PTPN14: variants seen among roughly 807,000 people sequenced by gnomAD.
The protein encoded by PTPN14 is tyrosine-protein phosphatase non-receptor type 14.
A neutral mutation model predicts 126.8 loss-of-function variants in PTPN14; 53 were observed. The ratio of observed to expected loss-of-function variants is 0.42; its 90% CI spans 0.34 to 0.53. The LOEUF (loss-of-function observed/expected upper bound fraction) is 0.53. PTPN14 is among the 20% of genes least tolerant of loss of function. The pLI is 0.08. For synonymous variants in PTPN14, 630 were observed against 599.3 expected (o/e 1.05, Z -0.75); for missense variants, 1,257 against 1,552.9 (o/e 0.81, Z 3.20).
intron 3 of PTPN14, among the ~76,000 whole-genome samples, chr1:214,444,884 A>G (rs903487864): frequency 6.6e-6 from 1 of 152,180 alleles, no homozygotes; most frequent in African/African-American, 2.4e-5. Context: ...TTAAAAATGC[A>G]TTAACCTAAC....
At chr1:214,464,549 G>A in intron 2 of PTPN14, 81 bp downstream of exon 2, 7 of 1,522,246 alleles carry the variant, frequency 4.6e-6, no homozygotes, top group Admixed American at 1.9e-5. Flanking sequence ...AAAACAGATG[G>A]CTGGTCCCTT....
chr1:214,450,050 G>A lies in PTPN14; in HGVS notation c.344+1755C>T, dbSNP rs565681359. 1.4e-3 allele frequency among the ~76,000 whole-genome samples: 220 copies of A among 151,788 alleles called. 1 individual carries two copies. Among genetic ancestry groups the A allele is most frequent in the African/African-American group, 5.0e-3 (206 of 41,370 alleles). On this transcript the variant is annotated intron_variant, in intron 3 of 18. Transcript: ENST00000366956. ...CAGGAGGCTGACGCAGGAGGATTGC[G>A]GGAGCCCAGGAGTTTGTGGCTGCAG...
chr1:214,455,218 G>A (rs910143790), intron 2 of PTPN14, among the ~76,000 whole-genome samples: 2 of 152,188 alleles, frequency 1.3e-5, no homozygotes, highest in African/African-American at 4.8e-5. Context: ...ATCCTGTCAA[G>A]CCCAGCTGAG....
chr1:214,433,131 C>T (rs921202129), intron 3 of PTPN14, among the ~76,000 whole-genome samples: 18 of 152,026 alleles, frequency 1.2e-4, no homozygotes, highest in African/African-American at 4.1e-4. Flanking sequence ...TCTTCATCTC[C>T]TGACCTCATG....
At chr1:214,494,687 G>A (rs1196083227) in intron 1 of PTPN14, among the ~76,000 whole-genome samples, 1 of 152,090 alleles carries the variant, frequency 6.6e-6, no homozygotes, top group African/African-American at 2.4e-5. Context: ...AACAAAGCAG[G>A]GAGAACTAAA....
At chr1:214,424,716 T>G (rs1367818848) in intron 3 of PTPN14, among the ~76,000 whole-genome samples, 2 of 152,036 alleles carry the variant, frequency 1.3e-5, no homozygotes, top group Non-Finnish European at 2.9e-5. Context: ...TATTTTTTAT[T>G]TTTGGTATTT....
intron 15 of PTPN14, among the ~76,000 whole-genome samples, chr1:214,374,721 T>C (rs1423454159): frequency 6.6e-6 from 1 of 152,162 alleles, no homozygotes; most frequent in Non-Finnish European, 1.5e-5. Context: ...CTAACCCGGA[T>C]CCACAGGATG....
intron 1 of PTPN14, chr1:214,532,866 C>A: frequency 9.6e-7 from 1 of 1,041,710 alleles, no homozygotes; most frequent in Non-Finnish European, 1.5e-6. Context: ...AGATTGCCAG[C>A]TCTGGGTTGA....
rs750774630 is a variant in PTPN14, at chr1:214,464,727, C to T, written c.77G>A (p.Arg26His). 7 of 1,614,284 alleles carry T rather than the reference C, an allele frequency of 4.3e-6. No homozygotes were observed. Among genetic ancestry groups the T allele is most frequent in the South Asian group, 3.3e-5 (3 of 91,092 alleles). The stretch of plus-strand genomic sequence containing the variant: ...CTCGATAACATTGCTGTCCAGCAGG[C>T]GAATCCGTGTGACAAAGCAGTTCTT... ...LSKNCFVTRI[R>H]LLDSNVIECT... The change falls in exon 2 of 19, where the codon CGC becomes CAC. Residue 26 changes from arginine (R) to histidine (H), a missense_variant. By Grantham distance (29) the Arg-to-His change is conservative. Coordinates refer to ENST00000366956, the MANE Select transcript of PTPN14 (RefSeq NM_005401.5).
In PTPN14 at chr1:214,369,590, C is replaced by A. The variant is rs372350429; in HGVS notation, c.3138G>T (p.Thr1046=). The change falls in exon 17 of 19, where the codon ACG becomes ACT. Residue 1046 remains threonine (T), a synonymous_variant. Coordinates refer to ENST00000366956, the MANE Select transcript of PTPN14 (RefSeq NM_005401.5). ...GKFKVTTKFR[T]DSVCYATTGL... is the part of the protein sequence containing the mutation. ...CCGTGGTTGCATAGCAAACAGAATC[C>A]GTTCGAAACTTCGTGGTGACCTTGA... The A allele has an allele frequency of 1.5e-5, 25 of 1,614,038 alleles. No individual in the cohort carries two copies. The East Asian group carries it at 5.3e-4, about 35-fold the overall frequency.
chr1:214,410,806 G>T (rs897563694), intron 5 of PTPN14, among the ~76,000 whole-genome samples: 2 of 151,986 alleles, frequency 1.3e-5, no homozygotes, highest in Non-Finnish European at 2.9e-5. Context: ...TTTTCCATTG[G>T]TCATTGTGCC....
intron 3 of PTPN14, among the ~76,000 whole-genome samples, chr1:214,431,851 A>G (rs926200386): frequency 2.1e-4 from 32 of 152,324 alleles, no homozygotes; most frequent in African/African-American, 6.5e-4. Flanking sequence ...TTGGCCATAA[A>G]CACTCATGAA....
At chr1:214,421,388 T>C (rs1038111263) in intron 3 of PTPN14, among the ~76,000 whole-genome samples, 4 of 151,866 alleles carry the variant, frequency 2.6e-5, no homozygotes, top group African/African-American at 9.7e-5. Context: ...TTGCCAGAGG[T>C]TGAGGGAAGA....
intron 1 of PTPN14, chr1:214,483,352 C>T (rs1198317874): frequency 3.7e-6 from 6 of 1,612,616 alleles, no homozygotes; most frequent in Non-Finnish European, 5.1e-6. Flanking sequence ...GCCGCGGCTT[C>T]CCGTGGTTGT....
intron 1 of PTPN14, chr1:214,533,308 A>G: frequency 3.5e-6 from 2 of 570,350 alleles, no homozygotes; most frequent in Non-Finnish European, 6.5e-6. Context: ...GGCTAGGGTC[A>G]CCACCTACCG....
intron 16 of PTPN14, among the ~76,000 whole-genome samples, chr1:214,370,291 A>G (rs1331954818): frequency 2.6e-5 from 4 of 151,908 alleles, no homozygotes; most frequent in Admixed American, 1.3e-4. Context: ...AAAAAAAAAA[A>G]AAAAAGAAAA....
At chr1:214,412,842 G>C (rs1659339575) in intron 4 of PTPN14, among the ~76,000 whole-genome samples, 1 of 152,124 alleles carries the variant, frequency 6.6e-6, no homozygotes, top group African/African-American at 2.4e-5. Flanking sequence ...AGAGGAAAGA[G>C]TACATGCAGT....
In PTPN14 at chr1:214,520,065, A is replaced by AAAAAATATAT; in HGVS notation, c.-155+31117_-155+31118insATATATTTTT. Among the ~76,000 whole-genome samples, 308 of 71,060 alleles carry AAAAAATATAT rather than the reference A, an allele frequency of 4.3e-3. 2 individuals are homozygous for AAAAAATATAT. Among genetic ancestry groups the AAAAAATATAT allele is most frequent in the African/African-American group, 0.019 (264 of 13,644 alleles). The allele number at this position is 71,060 out of a possible 152,430, so 46.6% of individuals were successfully genotyped here. On this transcript the variant is annotated intron_variant, in intron 1 of 18. Transcript: ENST00000366956. Reference sequence around the variant, plus strand: ...CCTGTCTCAAAAAAAAAAAAAAAAAAATATATATATATATATATGCAGAAT... The same window carrying AAAAAATATAT: ...CCTGTCTCAAAAAAAAAAAAAAAAAAAAAAATATATATATATATATATATATATGCAGAAT...
chr1:214,488,766 T>G (rs2102414812), intron 1 of PTPN14, among the ~76,000 whole-genome samples: 1 of 152,146 alleles, frequency 6.6e-6, no homozygotes, highest in South Asian at 2.1e-4. Context: ...TGGAAAGAGG[T>G]TTTTGACAGC....
Sources: allele counts gnomAD v4.1 joint callset (sites outside exome capture counted in the v4.1 genomes callset), GRCh38; gene constraint gnomAD v4.1.1; transcripts MANE v1.5; gene names NCBI Gene and HGNC (gene_info 2026-07-23, HGNC 2026-07-21).